Variants in FRMPD1 observed in about 807,000 individuals in gnomAD.
FRMPD1 encodes FERM and PDZ domain-containing protein 1.
Under a neutral mutation model 117.8 loss-of-function variants are expected in FRMPD1, and 76 were observed. The ratio of observed to expected loss-of-function variants is 0.65; its 90% confidence interval spans 0.54 to 0.78. The LOEUF (loss-of-function observed/expected upper bound fraction) is 0.78. Ranked by LOEUF, FRMPD1 falls within the 30% of genes least tolerant of loss-of-function variation. The pLI is 0.00. For missense variants in FRMPD1, 1,786 were observed against 1,964.5 expected (o/e 0.91, Z 1.72); for synonymous variants, 783 against 770.4 (o/e 1.02, Z -0.27).
intron 4 of FRMPD1, among the ~76,000 whole-genome samples, chr9:37,709,598 C>T (rs919946381): frequency 1.3e-5 from 2 of 152,184 alleles, no homozygotes; most frequent in African/African-American, 4.8e-5. Context: ...CAAGGAAATA[C>T]ACTGTAAATG....
In FRMPD1 at chr9:37,721,592, A is replaced by G. The variant is rs915531424; in HGVS notation, c.516+2416A>G. Reference sequence around the variant, plus strand: ...AATTGGCTTAAACTTTTTTGAGTGGAAAAAAAACAAAATTTAATGACTGCT... The same window carrying G: ...AATTGGCTTAAACTTTTTTGAGTGGGAAAAAAACAAAATTTAATGACTGCT... On this transcript the variant is annotated intron_variant, in intron 6 of 15. Coordinates refer to ENST00000377765, the MANE Select transcript of FRMPD1 (RefSeq NM_014907.3). Among the ~76,000 whole-genome samples the G allele has an allele frequency of 3.3e-5, 5 of 152,082 alleles. No homozygotes were observed. The South Asian group carries it at 8.3e-4, about 25-fold the overall frequency.
At chr9:37,713,835 C>A (rs1272602062) in intron 5 of FRMPD1, among the ~76,000 whole-genome samples, 1 of 152,146 alleles carries the variant, frequency 6.6e-6, no homozygotes, top group Admixed American at 6.5e-5. Context: ...GGATGGATGT[C>A]TGTCTGGTCA....
the FRMPD1 span, among the ~76,000 whole-genome samples, chr9:37,626,100 G>C: frequency 6.6e-6 from 1 of 152,022 alleles, no homozygotes; most frequent in Admixed American, 6.6e-5. Context: ...CCTGAGGCAG[G>C]CGAATCACCT....
intron 4 of FRMPD1, among the ~76,000 whole-genome samples, chr9:37,711,098 G>A (rs904538780): frequency 7.9e-5 from 12 of 152,170 alleles, no homozygotes; most frequent in African/African-American, 2.9e-4. Flanking sequence ...GATGGTAGAG[G>A]TGAACTTACG....
In FRMPD1 at chr9:37,745,484, G is replaced by A. The variant is rs1405540570; in HGVS notation, c.3452G>A (p.Ser1151Asn). Residue 1151 changes from serine (S) to asparagine (N), a missense_variant, in exon 16 of 16, where the codon AGC (serine) becomes AAC (asparagine). Coordinates refer to ENST00000377765, the MANE Select transcript of FRMPD1 (RefSeq NM_014907.3). ...AATGTTTCACAGACTCTTGATATTA[G>A]CTCTCCAGCTGGTAAAATAGTAACC... ...SNNVSQTLDI[S>N]SPAGKIVTSL... The A allele has an allele frequency of 1.2e-6, 2 of 1,613,878 alleles. No homozygotes were observed. The highest frequency in any genetic ancestry group is 2.7e-5 in the African/African-American group (2 of 74,884).
chr9:37,735,870 C>A (rs1824098296), intron 13 of FRMPD1, 136 bp downstream of exon 13: 2 of 636,608 alleles, frequency 3.1e-6, no homozygotes, highest in African/African-American at 1.8e-5. Flanking sequence ...AATTGTCCAT[C>A]CTGTTCTATC....
chr9:37,635,764 G>A, the FRMPD1 span, among the ~76,000 whole-genome samples: 2 of 152,218 alleles, frequency 1.3e-5, no homozygotes, highest in African/African-American at 4.8e-5. Context: ...TGGGCAGAGA[G>A]GCCCCCAACC....
In FRMPD1 at chr9:37,737,974, G is replaced by T. The variant is rs73445194; in HGVS notation, c.1549+731G>T. On this transcript the variant is annotated intron_variant, in intron 14 of 15. Coordinates refer to ENST00000377765, the MANE Select transcript of FRMPD1 (RefSeq NM_014907.3). ...AAGTATAAAAGAACTTCTCTGCAAG[G>T]CAGGTAAGACAGTTTCCTAGGCCAG... is the stretch of plus-strand genomic sequence containing the variant. Among the ~76,000 whole-genome samples, 740 of 152,214 alleles carry T rather than the reference G, an allele frequency of 4.9e-3. 7 individuals are homozygous for T. The highest frequency in any genetic ancestry group is 0.017 in the African/African-American group (694 of 41,526).
chr9:37,605,115 C>G, the FRMPD1 span, among the ~76,000 whole-genome samples: 1 of 151,800 alleles, frequency 6.6e-6, no homozygotes, highest in Non-Finnish European at 1.5e-5. Flanking sequence ...GCATATATAA[C>G]CTTTTGATAT....
chr9:37,661,578 C>T (rs1022066741), intron 1 of FRMPD1, among the ~76,000 whole-genome samples: 4 of 152,104 alleles, frequency 2.6e-5, no homozygotes, highest in Non-Finnish European at 5.9e-5. Context: ...TCATAAAGCC[C>T]CCCAGTGTCC....
chr9:37,717,341 A>ATGTGTGTGTG (rs59852335), intron 5 of FRMPD1, among the ~76,000 whole-genome samples: 2,851 of 119,878 alleles, frequency 0.024, 44 homozygotes, highest in Non-Finnish European at 0.03. Flanking sequence ...ATGTGTATAT[A>ATGTGTGTGTG]TGTGTGTGTG....
At chr9:37,687,341 C>G (rs1049229027) in intron 1 of FRMPD1, among the ~76,000 whole-genome samples, 1 of 152,120 alleles carries the variant, frequency 6.6e-6, no homozygotes, top group Non-Finnish European at 1.5e-5. Flanking sequence ...TGGGCCACCC[C>G]CAAGTTTTTA....
intron 2 of FRMPD1, 151 bp from the exon 3 acceptor site, chr9:37,707,265 G>C (rs1363483578): frequency 1.7e-6 from 1 of 602,748 alleles, no homozygotes; most frequent in East Asian, 2.8e-5. Flanking sequence ...CCTAAGTTCT[G>C]CTAGTGGAGT....
chr9:37,638,750 G>A, the FRMPD1 span, among the ~76,000 whole-genome samples: 1 of 152,206 alleles, frequency 6.6e-6, no homozygotes, highest in Non-Finnish European at 1.5e-5. Flanking sequence ...GATCTTGAGT[G>A]CTCCCAGGGA....
At chr9:37,664,326 C>A (rs1821093447) in intron 1 of FRMPD1, among the ~76,000 whole-genome samples, 1 of 142,284 alleles carries the variant, frequency 7.0e-6, no homozygotes, top group Non-Finnish European at 1.5e-5. Context: ...TTTATTTTTA[C>A]TTTAAGTTCC....
At chr9:37,724,494 A>G (rs1201602574) in intron 7 of FRMPD1, among the ~76,000 whole-genome samples, 174 bp downstream of exon 7, 2 of 152,072 alleles carry the variant, frequency 1.3e-5, no homozygotes, top group Admixed American at 6.6e-5. Context: ...ACCACCCAGA[A>G]AGATGGTCTT....
At chr9:37,736,407 T>G (rs1824128473) in intron 13 of FRMPD1, among the ~76,000 whole-genome samples, 1 of 151,676 alleles carries the variant, frequency 6.6e-6, no homozygotes, top group African/African-American at 2.4e-5. Flanking sequence ...GGCTCACGCT[T>G]GTAATCCCAG....
the FRMPD1 span, among the ~76,000 whole-genome samples, chr9:37,618,301 CA>C: frequency 6.6e-6 from 1 of 152,112 alleles, no homozygotes; most frequent in Admixed American, 6.5e-5. Context: ...ATTTATGAAA[CA>C]GGGGGGAACA....
Position 37,746,848 on chromosome 9 carries a change from C to T in FRMPD1, c.*79C>T, listed in dbSNP as rs935860488. 4 of 896,184 alleles carry T rather than the reference C, an allele frequency of 4.5e-6. No individual in the cohort carries two copies. In the African/African-American group the frequency reaches 5.0e-5, roughly 11 times the overall value. 55.5% of individuals were successfully genotyped at this position (896,184 alleles called of 1,614,324 possible). Reference sequence around the variant, plus strand: ...GAGAAGCCCCTTCCACTCTCCCACCCACCCTCTTCAAATGTTTACTATATA... The same window carrying T: ...GAGAAGCCCCTTCCACTCTCCCACCTACCCTCTTCAAATGTTTACTATATA... On this transcript the variant is annotated 3_prime_UTR_variant, in exon 16 of 16. Transcript: ENST00000377765.
Sources: allele counts gnomAD v4.1 joint callset (sites outside exome capture counted in the v4.1 genomes callset), GRCh38; gene constraint gnomAD v4.1.1; transcripts MANE v1.5; gene names NCBI Gene and HGNC (gene_info 2026-07-23, HGNC 2026-07-21).